Variants in IFT172 observed in about 807,000 individuals in gnomAD.
The protein encoded by IFT172 is intraflagellar transport 172.
A neutral mutation model predicts 248.9 loss-of-function variants in IFT172; 164 were observed. The ratio of observed to expected loss-of-function variants is 0.66; its 90% CI spans 0.58 to 0.75. The LOEUF (loss-of-function observed/expected upper bound fraction) is 0.75, where lower values mean the gene tolerates loss of function less well. Among genes scored for constraint, IFT172 ranks in the 30% least tolerant of loss-of-function variants. The pLI is 0.00. For synonymous variants in IFT172, 729 were observed against 791.6 expected (o/e 0.92, Z 1.33); for missense variants, 1,950 against 2,192.4 (o/e 0.89, Z 2.21).
Position 27,454,597 on chromosome 2 carries a change from A to C in IFT172, c.3435T>G (p.His1145Gln), listed in dbSNP as rs202111577. Residue 1145 changes from histidine to glutamine, a missense_variant, in exon 31 of 48, where the codon CAT becomes CAG. Coordinates refer to ENST00000260570, the MANE Select transcript of IFT172 (RefSeq NM_015662.3). The surrounding 1 kb of genome is among the most constrained non-coding windows in gnomAD (Gnocchi z 4.2). ...LALKHKTPEV[H>Q]LKYAMFLEDE... is the part of the protein sequence containing the mutation. Reference sequence around the variant, plus strand: ...CCTCCAGGAACATAGCATATTTGAGATGAACCTCGGGGGTTTTGTGCTTGA... The same window carrying C: ...CCTCCAGGAACATAGCATATTTGAGCTGAACCTCGGGGGTTTTGTGCTTGA... 338 of 1,614,098 alleles carry C rather than the reference A, an allele frequency of 2.1e-4. 1 individual carries two copies. In the Middle Eastern group the frequency reaches 3.8e-3, roughly 18 times the overall value.
chr2:27,447,948 C>G (rs756452431), intron 40 of IFT172, 26 bp from the exon 41 acceptor site: 1 of 1,334,490 alleles, frequency 7.5e-7, no homozygotes, highest in East Asian at 2.3e-5. Context: ...AGAAGGGGAT[C>G]TGAGAAGGGC....
chr2:27,448,598 A>G (rs1665381537), intron 40 of IFT172, among the ~76,000 whole-genome samples: 1 of 152,168 alleles, frequency 6.6e-6, no homozygotes, highest in South Asian at 2.1e-4. Flanking sequence ...TCTCTGGAGG[A>G]AGTCAATAAA....
chr2:27,486,660 C>T (rs995726489), intron 1 of IFT172, among the ~76,000 whole-genome samples: 1 of 152,208 alleles, frequency 6.6e-6, no homozygotes, highest in African/African-American at 2.4e-5. Context: ...TCCTCTAACT[C>T]TTCATTATAT....
In IFT172 at chr2:27,483,567, C is replaced by A. The variant is rs372915941; in HGVS notation, c.482+13G>T. Reference sequence around the variant, plus strand: ...ACTTCCAGACTCTAGTGATACTACTCCTCTTTACTCACTTTGTTGTCAGGG... The same window carrying A: ...ACTTCCAGACTCTAGTGATACTACTACTCTTTACTCACTTTGTTGTCAGGG... On this transcript the variant is annotated intron_variant, in intron 6 of 47. Coordinates refer to ENST00000260570, the MANE Select transcript of IFT172 (RefSeq NM_015662.3). The A allele has an allele frequency of 1.9e-6, 3 of 1,612,472 alleles. No individual in the cohort carries two copies. The African/African-American group carries it at 4.0e-5, about 22-fold the overall frequency.
Position 27,454,801 on chromosome 2 carries a change from C to A in IFT172, c.3372-141G>T. The A allele has an allele frequency of 1.4e-6, 1 of 725,956 alleles. No individual in the cohort carries two copies. The highest frequency in any genetic ancestry group is 2.3e-6 in the Non-Finnish European group (1 of 432,254). 45.0% of individuals were successfully genotyped at this position (725,956 alleles called of 1,614,324 possible). A position where few individuals can be genotyped will look rare whatever the true frequency, so the allele number is the denominator to read the frequency against. On this transcript the variant is annotated intron_variant, in intron 30 of 47. Transcript: ENST00000260570. The surrounding 1 kb of genome is among the most constrained non-coding windows in gnomAD (Gnocchi z 4.2). ...TAACAAATATGAAGTGACAGAAAAG[C>A]GTGGAGAGATAAAAAGGAAGACGGG...
chr2:27,472,635 A>G (rs1213403608), intron 14 of IFT172, among the ~76,000 whole-genome samples: 1 of 152,232 alleles, frequency 6.6e-6, no homozygotes, highest in Non-Finnish European at 1.5e-5. Flanking sequence ...CACTGAGCAC[A>G]TTAAAGATAA....
chr2:27,473,458 C>G (rs1423867514), intron 14 of IFT172, among the ~76,000 whole-genome samples: 1 of 149,740 alleles, frequency 6.7e-6, no homozygotes, highest in Non-Finnish European at 1.5e-5. Context: ...CTACAGGCGC[C>G]AGCCACCACG....
chr2:27,447,692 G>C (rs773235472), intron 41 of IFT172, 58 bp from the exon 42 acceptor site: 21 of 1,613,038 alleles, frequency 1.3e-5, no homozygotes, highest in Admixed American at 1.7e-5. Flanking sequence ...CAGGGCCATA[G>C]AGTGGTCTCT....
At chr2:27,449,236 C>G in intron 39 of IFT172, 58 bp downstream of exon 39, 2 of 1,594,586 alleles carry the variant, frequency 1.3e-6, no homozygotes, top group Non-Finnish European at 1.7e-6. Flanking sequence ...ATCTTTGAGG[C>G]AGGTGGGGAA....
chr2:27,461,200 A>G, intron 22 of IFT172, 69 bp downstream of exon 22: 4 of 1,612,460 alleles, frequency 2.5e-6, no homozygotes, highest in Non-Finnish European at 3.4e-6. Flanking sequence ...CTGCACCCCA[A>G]GACTCCTCTG....
chr2:27,456,852 C>A (rs1666203280), intron 29 of IFT172, among the ~76,000 whole-genome samples, 199 bp from the exon 30 acceptor site: 1 of 151,926 alleles, frequency 6.6e-6, no homozygotes, highest in South Asian at 2.1e-4. Flanking sequence ...CGAGACCAGC[C>A]TGGCCAACAT....
chr2:27,453,304 G>A (rs767323714), intron 35 of IFT172, 80 bp downstream of exon 35: 2 of 1,529,734 alleles, frequency 1.3e-6, no homozygotes, highest in Non-Finnish European at 9.1e-7. Context: ...AGAGGAAAGA[G>A]CTGAAGATGT....
chr2:27,446,974 C>T (rs1665184550), intron 42 of IFT172, among the ~76,000 whole-genome samples: 1 of 152,070 alleles, frequency 6.6e-6, no homozygotes, highest in East Asian at 1.9e-4. Flanking sequence ...GCTGGGATTA[C>T]AGGCGTGAGC....
At chr2:27,463,223 A>G in intron 18 of IFT172, 42 bp from the exon 19 acceptor site, 4 of 1,531,218 alleles carry the variant, frequency 2.6e-6, no homozygotes, top group Non-Finnish European at 3.6e-6. Context: ...ATATTATTAT[A>G]GAATCATCAT....
chr2:27,452,012 A>T (rs185816782), intron 35 of IFT172, among the ~76,000 whole-genome samples: 2 of 151,162 alleles, frequency 1.3e-5, no homozygotes, highest in Non-Finnish European at 1.5e-5. Context: ...TATATATGTT[A>T]TTGTTAACTT....
chr2:27,453,309 A>G, intron 35 of IFT172, 75 bp downstream of exon 35: 1 of 1,547,504 alleles, frequency 6.5e-7, no homozygotes, highest in African/African-American at 1.4e-5. Flanking sequence ...AAAGAGCTGA[A>G]GATGTGAGAA....
At chr2:27,470,836 G>T in intron 16 of IFT172, 92 bp downstream of exon 16, 1 of 1,257,854 alleles carries the variant, frequency 8.0e-7, no homozygotes, top group Non-Finnish European at 1.1e-6. Context: ...AAGGGTGGTG[G>T]ACACAGAAAA....
At position 27,445,155 on chromosome 2, in the gene IFT172, G is replaced by A. The variant is rs1241187564; in HGVS notation, c.5069-50C>T. 3 of 1,607,466 alleles carry A rather than the reference G, an allele frequency of 1.9e-6. No homozygotes were observed. The highest frequency in any genetic ancestry group is 1.7e-6 in the Non-Finnish European group (2 of 1,176,282). The stretch of plus-strand genomic sequence containing the variant: ...ACTGGGGTTTGAGAGAGATTGAGGA[G>A]GGAAAAATGAGGAGCAGCCTGGGGG... On this transcript the variant is annotated intron_variant, in intron 46 of 47. Transcript: ENST00000260570. This position sits in a 1 kb window ranked among gnomAD's most constrained non-coding sequence, Gnocchi z 4.4.
chr2:27,477,600 C>T lies in IFT172; in HGVS notation c.1180G>A (p.Gly394Arg). ...AAATACTTCTCATTGCCACCAGATCCTTGCCAGGCTATCTGTAACGGGAGA... is the reference window on the plus strand; with the variant it reads ...AAATACTTCTCATTGCCACCAGATCTTTGCCAGGCTATCTGTAACGGGAGA... ...TNRLSEIAWQ[G>R]SGGNEKYFFE... Residue 394 changes from glycine to arginine, a missense_variant, in exon 12 of 48, where the codon GGA becomes AGA. Physicochemically the swap from Gly to Arg is moderately radical, Grantham distance 125 (BLOSUM62 -2). Coordinates refer to ENST00000260570, the MANE Select transcript of IFT172 (RefSeq NM_015662.3). 1.2e-6 allele frequency: 2 copies of T among 1,608,760 alleles called. No individual in the cohort carries two copies. The highest frequency in any genetic ancestry group is 1.7e-6 in the Non-Finnish European group (2 of 1,175,040).
Sources: allele counts gnomAD v4.1 joint callset (sites outside exome capture counted in the v4.1 genomes callset), GRCh38; gene constraint gnomAD v4.1.1; non-coding constraint Gnocchi (gnomAD v3.1); transcripts MANE v1.5; gene names NCBI Gene and HGNC (gene_info 2026-07-23, HGNC 2026-07-21).